The following THRB variants were observed in gnomAD, a reference collection of about 807,000 sequenced individuals.
The protein encoded by THRB is nuclear receptor subfamily 1 group A member 2.
A neutral mutation model predicts 47.8 loss-of-function variants in THRB; 12 were observed. The ratio of observed to expected loss-of-function variants is 0.25; its 90% CI spans 0.16 to 0.41. THRB has a LOEUF of 0.41. Among genes scored for constraint, THRB ranks in the 10% least tolerant of loss-of-function variants. THRB has a pLI of 1.00. For missense variants in THRB, 348 were observed against 589.2 expected (o/e 0.59, Z 4.24); for synonymous variants, 218 against 212.2 (o/e 1.03, Z -0.24).
chr3:24,235,157 C>G (rs1308022613), intron 3 of THRB, among the ~76,000 whole-genome samples: 1 of 152,146 alleles, frequency 6.6e-6, no homozygotes, highest in African/African-American at 2.4e-5. Flanking sequence ...TTTGCACCAA[C>G]CTAATACTTG....
intron 3 of THRB, among the ~76,000 whole-genome samples, chr3:24,284,651 A>G (rs1266439552): frequency 1.3e-5 from 2 of 149,648 alleles, no homozygotes; most frequent in Non-Finnish European, 2.9e-5. Flanking sequence ...GGCAACCTAC[A>G]GAATGGGAGA....
chr3:24,444,257 A>G (rs2071844628), intron 1 of THRB, among the ~76,000 whole-genome samples: 1 of 152,174 alleles, frequency 6.6e-6, no homozygotes, highest in African/African-American at 2.4e-5. Flanking sequence ...TTTTTTGATT[A>G]TAATATAATT....
intron 4 of THRB, among the ~76,000 whole-genome samples, chr3:24,194,515 A>T (rs186875259): frequency 6.6e-6 from 1 of 152,346 alleles, no homozygotes; most frequent in East Asian, 1.9e-4. Flanking sequence ...GTGAATTAAA[A>T]ATAAGTAGAA....
chr3:24,344,970 C>G (rs1390581137), intron 1 of THRB, among the ~76,000 whole-genome samples: 1 of 151,978 alleles, frequency 6.6e-6, no homozygotes, highest in Non-Finnish European at 1.5e-5. Flanking sequence ...TCCTGAGCAA[C>G]TTAGCAGGGG....
At chr3:24,338,132 T>C (rs1360479567) in intron 1 of THRB, among the ~76,000 whole-genome samples, 1 of 152,174 alleles carries the variant, frequency 6.6e-6, no homozygotes, top group Non-Finnish European at 1.5e-5. Flanking sequence ...AGGGAAAACA[T>C]CTGGGTTCCC....
At chr3:24,162,370 A>C (rs1327964961) in intron 5 of THRB, among the ~76,000 whole-genome samples, 1 of 152,184 alleles carries the variant, frequency 6.6e-6, no homozygotes, top group African/African-American at 2.4e-5. Context: ...GTGAGGACTT[A>C]GCATAGCATT....
chr3:24,428,418 T>G (rs1301552337), intron 1 of THRB, among the ~76,000 whole-genome samples: 1 of 152,052 alleles, frequency 6.6e-6, no homozygotes, highest in East Asian at 1.9e-4. Context: ...CCATTGCAAG[T>G]GATCAAGCCT....
chr3:24,365,209 C>T (rs2064370454), intron 1 of THRB, among the ~76,000 whole-genome samples: 1 of 152,112 alleles, frequency 6.6e-6, no homozygotes, highest in Admixed American at 6.6e-5. Context: ...AAAGAGTACA[C>T]TAATCCAGCA....
intron 1 of THRB, among the ~76,000 whole-genome samples, chr3:24,351,234 G>T (rs1220150557): frequency 6.6e-6 from 1 of 151,808 alleles, no homozygotes; most frequent in African/African-American, 2.4e-5. Flanking sequence ...AACTTTCTTT[G>T]CCATGGCCAC....
At position 24,221,784 on chromosome 3, in the gene THRB, C is replaced by G. The variant is rs73144430; in HGVS notation, c.22+7154G>C. Among the ~76,000 whole-genome samples, 948 of 152,212 alleles carry G rather than the reference C, an allele frequency of 6.2e-3. 14 individuals are homozygous for G. The highest frequency in any genetic ancestry group is 0.022 in the African/African-American group (910 of 41,534). ...TCTAGAAGTAATTGTCTAAGAGTTG[C>G]TGGGAGATTTGAGGGAAGGTTTTCG... is the stretch of plus-strand genomic sequence containing the variant. On this transcript the variant is annotated intron_variant, in intron 4 of 10. Coordinates refer to ENST00000646209, the MANE Select transcript of THRB (RefSeq NM_001354712.2).
intron 1 of THRB, among the ~76,000 whole-genome samples, chr3:24,364,996 T>C (rs1001803145): frequency 2.0e-5 from 3 of 152,194 alleles, no homozygotes; most frequent in Admixed American, 6.6e-5. Context: ...TATGCACTTA[T>C]ATGTTACTTC....
chr3:24,209,819 A>G (rs1467863147), intron 4 of THRB, among the ~76,000 whole-genome samples: 1 of 152,234 alleles, frequency 6.6e-6, no homozygotes, highest in Non-Finnish European at 1.5e-5. Context: ...AACTTAAAAT[A>G]TTAAAAAAAA....
At chr3:24,167,673 G>A (rs373477821) in intron 5 of THRB, among the ~76,000 whole-genome samples, 4 of 152,038 alleles carry the variant, frequency 2.6e-5, no homozygotes, top group South Asian at 2.1e-4. Flanking sequence ...TAAGAGCTGC[G>A]TGTTGAATCC....
chr3:24,128,889 T>A (rs1374411054), intron 9 of THRB, among the ~76,000 whole-genome samples: 3 of 146,298 alleles, frequency 2.1e-5, no homozygotes, highest in African/African-American at 5.1e-5. Flanking sequence ...TTTTTTTTTT[T>A]ACCATGGATA....
Position 24,117,282 on chromosome 3 carries a change from G to A in THRB, c.*5602C>T, listed in dbSNP as rs908573543. ...GTTGTTTTAGATTTACCTTTGGTGT[G>A]GGCACTGGTTGCTTTTGCTTGCCCA... On this transcript the variant is annotated 3_prime_UTR_variant, in exon 11 of 11. Transcript: ENST00000646209. The A allele has an allele frequency of 6.6e-6, 1 of 152,178 alleles. No homozygotes were observed. Among genetic ancestry groups the A allele is most frequent in the Non-Finnish European group, 1.5e-5 (1 of 68,042 alleles). The allele number at this position is 152,178 out of a possible 1,614,324, so 9.4% of individuals were successfully genotyped here.
In THRB at chr3:24,246,261, A is replaced by C. The variant is rs146117626; in HGVS notation, c.-42-17260T>G. Reference sequence around the variant, plus strand: ...TTGGGTACCAGAGACCTAATTCCGTAGGGTCCTGGTCATTTTGTTACACAC... The same window carrying C: ...TTGGGTACCAGAGACCTAATTCCGTCGGGTCCTGGTCATTTTGTTACACAC... On this transcript the variant is annotated intron_variant, in intron 3 of 10. Transcript: ENST00000646209. 2.8e-3 allele frequency among the ~76,000 whole-genome samples: 420 copies of C among 152,262 alleles called. 10 individuals are homozygous for C. The highest frequency in any genetic ancestry group is 0.025 in the East Asian group (131 of 5,178).
At chr3:24,388,890 G>A (rs1330117620) in intron 1 of THRB, among the ~76,000 whole-genome samples, 1 of 152,120 alleles carries the variant, frequency 6.6e-6, no homozygotes, top group Non-Finnish European at 1.5e-5. Context: ...GTTCTGTGTA[G>A]TAGTAATCTT....
chr3:24,385,996 C>T (rs373349322), intron 1 of THRB, among the ~76,000 whole-genome samples: 2 of 152,092 alleles, frequency 1.3e-5, no homozygotes, highest in South Asian at 2.1e-4. Flanking sequence ...CTTCCTTTAT[C>T]CTCTATTTAA....
chr3:24,178,030 G>A (rs4858582), intron 5 of THRB, among the ~76,000 whole-genome samples: 87,887 of 151,630 alleles, frequency 0.58, 26,172 homozygotes, highest in African/African-American at 0.71. Flanking sequence ...TCATCCTATG[G>A]GTCCAACCTT....
Sources: allele counts gnomAD v4.1 joint callset (sites outside exome capture counted in the v4.1 genomes callset), GRCh38; gene constraint gnomAD v4.1.1; transcripts MANE v1.5; gene names NCBI Gene and HGNC (gene_info 2026-07-23, HGNC 2026-07-21).